The following CCDC15 variants were observed in gnomAD, a reference collection of about 807,000 sequenced individuals.
CCDC15 encodes the protein coiled-coil domain-containing protein 15.
In CCDC15, 105 loss-of-function variants were observed where a neutral mutation model predicts 114.5. The ratio of observed to expected loss-of-function variants is 0.92; its 90% CI spans 0.78 to 1.08. The LOEUF is 1.08. CCDC15 is among the 50% of genes least tolerant of loss of function. CCDC15 has a pLI of 0.00. For synonymous variants in CCDC15, 334 were observed against 377.8 expected (o/e 0.88, Z 1.34); for missense variants, 1,105 against 1,093.6 (o/e 1.01, Z -0.15).
chr11:125,036,876 CTG>C (rs1948778797), intron 13 of CCDC15, among the ~76,000 whole-genome samples: 2 of 152,266 alleles, frequency 1.3e-5, no homozygotes, highest in South Asian at 2.1e-4. Flanking sequence ...GAATTCCTCT[CTG>C]TGTTCTCTTG....
Position 125,012,194 on chromosome 11 carries a change from A to G in CCDC15, c.2411+6982A>G, listed in dbSNP as rs144543032. Among the ~76,000 whole-genome samples, 1,021 of 152,272 alleles carry G rather than the reference A, an allele frequency of 6.7e-3. 7 individuals carry two copies. The highest frequency in any genetic ancestry group is 0.01 in the Non-Finnish European group (705 of 68,012). ...GGCCTGGGTACCTGGAGCAGAGTAT[A>G]GATGGGCAGTCATAGGCTTCAGGTG... On this transcript the variant is annotated intron_variant, in intron 13 of 15. Coordinates refer to ENST00000344762, the MANE Select transcript of CCDC15 (RefSeq NM_025004.3).
intron 13 of CCDC15, among the ~76,000 whole-genome samples, chr11:125,016,909 T>G (rs1288526263): frequency 6.6e-6 from 1 of 152,192 alleles, no homozygotes; most frequent in Admixed American, 6.5e-5. Context: ...TTCTTGTGTT[T>G]ATACTCTTGA....
intron 13 of CCDC15, among the ~76,000 whole-genome samples, chr11:125,035,181 G>C (rs1018338207): frequency 6.6e-6 from 1 of 152,062 alleles, no homozygotes; most frequent in Non-Finnish European, 1.5e-5. Context: ...TGATAAGATT[G>C]TGCCCACTCA....
At chr11:124,979,692 T>C (rs1440533321) in intron 6 of CCDC15, among the ~76,000 whole-genome samples, 8 of 152,222 alleles carry the variant, frequency 5.3e-5, no homozygotes, top group Non-Finnish European at 8.8e-5. Context: ...TTTCTAGGTA[T>C]AGAATCATAT....
chr11:125,023,927 C>T (rs7926447), intron 13 of CCDC15, among the ~76,000 whole-genome samples: 30,780 of 151,692 alleles, frequency 0.2, 3,702 homozygotes, highest in African/African-American at 0.34. Context: ...AACTAGGATA[C>T]AGAGATAGAA....
intron 6 of CCDC15, among the ~76,000 whole-genome samples, chr11:124,984,385 C>G (rs1184298056): frequency 6.6e-6 from 1 of 152,032 alleles, no homozygotes; most frequent in African/African-American, 2.4e-5. Context: ...GCAAGCAGGG[C>G]TGGGGCCCTG....
At chr11:124,974,775 C>T (rs1210492928) in intron 4 of CCDC15, among the ~76,000 whole-genome samples, 1 of 152,164 alleles carries the variant, frequency 6.6e-6, no homozygotes, top group Admixed American at 6.5e-5. Context: ...TGTGTCTGGT[C>T]AGTGATCTCC....
Position 124,993,234 on chromosome 11 carries a change from A to G in CCDC15, c.2205A>G (p.Gly735=). The G allele has an allele frequency of 1.3e-6, 2 of 1,597,556 alleles. No individual in the cohort carries two copies. Among genetic ancestry groups the G allele is most frequent in the Non-Finnish European group, 1.7e-6 (2 of 1,167,556 alleles). Residue 735 remains glycine (G), a synonymous_variant, in exon 11 of 16, where the codon GGA becomes GGG. Transcript: ENST00000344762. ...KWEIARGNTP[G]VPLAYDRYQS... is the part of the protein sequence containing the mutation. ...AGATTGCAAGAGGAAATACTCCTGG[A>G]GTGCCCTTGGTATGTTTCACACAAT...
chr11:125,034,018 A>G (rs1396265470), intron 13 of CCDC15, among the ~76,000 whole-genome samples: 1 of 152,188 alleles, frequency 6.6e-6, no homozygotes, highest in East Asian at 1.9e-4. Context: ...TAGTCTTGTT[A>G]TAGGTCTAGA....
Position 124,992,598 on chromosome 11 carries a change from A to T in CCDC15, c.2050A>T (p.Arg684Ter). 1 of 1,595,614 alleles carries T rather than the reference A, an allele frequency of 6.3e-7. No individual in the cohort carries two copies. The change falls in exon 10 of 16, where the codon AGA becomes TGA. Residue 684 changes from arginine to a stop codon, truncating the protein, a stop_gained. Transcript: ENST00000344762. LOFTEE classifies it high-confidence loss of function. Reference protein sequence around the residue: ...IKNQQPASFMREERVREELPL... With the variant: ...IKNQQPASFM ...TCTCAAGCAACCTGCATCTTTTATGAGAGAAGAAAGAGTGAGAGAAGAATT... is the reference window on the plus strand; with the variant it reads ...TCTCAAGCAACCTGCATCTTTTATGTGAGAAGAAAGAGTGAGAGAAGAATT...
intron 11 of CCDC15, among the ~76,000 whole-genome samples, chr11:124,996,259 A>G (rs997448612): frequency 6.6e-6 from 1 of 152,098 alleles, no homozygotes; most frequent in Non-Finnish European, 1.5e-5. Flanking sequence ...GACTATTCTA[A>G]ATCTTAAACT....
chr11:124,995,143 T>G (rs934180279), intron 11 of CCDC15, among the ~76,000 whole-genome samples: 1 of 152,168 alleles, frequency 6.6e-6, no homozygotes. Context: ...CTACCTCAGG[T>G]CTTTTGCATA....
chr11:125,037,885 A>T (rs1203032717), intron 13 of CCDC15, among the ~76,000 whole-genome samples: 2 of 151,986 alleles, frequency 1.3e-5, no homozygotes, highest in Non-Finnish European at 2.9e-5. Flanking sequence ...TTTCAATCTG[A>T]AAAGACTGTT....
chr11:124,993,691 G>A (rs1323034455), intron 11 of CCDC15, among the ~76,000 whole-genome samples: 2 of 152,168 alleles, frequency 1.3e-5, no homozygotes, highest in African/African-American at 2.4e-5. Flanking sequence ...AGAGCAGGGT[G>A]TATTAAAGAG....
At chr11:124,996,294 C>T (rs1294534795) in intron 11 of CCDC15, among the ~76,000 whole-genome samples, 1 of 152,168 alleles carries the variant, frequency 6.6e-6, no homozygotes, top group Non-Finnish European at 1.5e-5. Context: ...TGCTGCACCC[C>T]CATATTCTCA....
intron 4 of CCDC15, among the ~76,000 whole-genome samples, chr11:124,967,450 C>T (rs1349006489): frequency 6.6e-6 from 1 of 152,172 alleles, no homozygotes; most frequent in Non-Finnish European, 1.5e-5. Flanking sequence ...GCATTCGTCA[C>T]GTAGTTCTCG....
chr11:125,009,200 C>T (rs1283915049), intron 13 of CCDC15, among the ~76,000 whole-genome samples: 1 of 146,678 alleles, frequency 6.8e-6, no homozygotes, highest in Non-Finnish European at 1.5e-5. Flanking sequence ...GCACTCCAGC[C>T]TGGGCAATAA....
At chr11:124,981,271 G>A (rs1276988589) in intron 6 of CCDC15, among the ~76,000 whole-genome samples, 1 of 152,138 alleles carries the variant, frequency 6.6e-6, no homozygotes, top group Non-Finnish European at 1.5e-5. Context: ...GGAGAGTTTT[G>A]TAGATATCTA....
At chr11:124,984,194 T>C (rs1378068687) in intron 6 of CCDC15, among the ~76,000 whole-genome samples, 4 of 151,868 alleles carry the variant, frequency 2.6e-5, no homozygotes, top group Non-Finnish European at 5.9e-5. Context: ...ATGATGTAGG[T>C]GTTGCTATGG....
Sources: gnomAD v4.1 joint callset for allele counts (sites outside exome capture counted in the v4.1 genomes callset) on GRCh38, gnomAD v4.1.1 for gene constraint, MANE v1.5 for transcripts, NCBI Gene and HGNC (gene_info 2026-07-23, HGNC 2026-07-21) for gene names.